PLEKHA6: variants seen among roughly 807,000 people sequenced by gnomAD.
The protein encoded by PLEKHA6 is pleckstrin homology domain containing A6.
A neutral mutation model predicts 116.7 loss-of-function variants in PLEKHA6; 60 were observed. The observed-to-expected ratio is 0.51, with a 90% CI of 0.42 to 0.64. The LOEUF (loss-of-function observed/expected upper bound fraction) is 0.64. PLEKHA6 is among the 30% of genes least tolerant of loss of function. PLEKHA6 has a pLI of 0.00. For missense variants in PLEKHA6, 1,338 were observed against 1,422.7 expected (o/e 0.94, Z 0.96); for synonymous variants, 489 against 556.1 (o/e 0.88, Z 1.70).
At chr1:204,325,941 A>G (rs1672226996) in intron 1 of PLEKHA6, 1 of 983,396 alleles carries the variant, frequency 1.0e-6, no homozygotes, top group African/African-American at 1.7e-5. Context: ...TAACATATAG[A>G]CTGGGCTGAA....
At chr1:204,348,802 A>T (rs183516835) in intron 1 of PLEKHA6, among the ~76,000 whole-genome samples, 1 of 143,380 alleles carries the variant, frequency 7.0e-6, no homozygotes, top group African/African-American at 2.6e-5. Flanking sequence ...TGTCATCTCC[A>T]TTGTCAGATG....
chr1:204,227,210 C>A (rs533160146), intron 21 of PLEKHA6, among the ~76,000 whole-genome samples: 34 of 152,322 alleles, frequency 2.2e-4, no homozygotes, highest in African/African-American at 8.2e-4. Flanking sequence ...GCTTCTCTGC[C>A]AGTGTCATCT....
intron 1 of PLEKHA6, among the ~76,000 whole-genome samples, chr1:204,314,496 C>A (rs4245727): frequency 6.6e-5 from 10 of 151,996 alleles, no homozygotes; most frequent in African/African-American, 2.2e-4. Context: ...AAGACTGATC[C>A]TAACTGGCCA....
At position 204,259,283 on chromosome 1, in the gene PLEKHA6, C is replaced by G; in HGVS notation, c.982G>C (p.Val328Leu). 4.3e-6 allele frequency: 7 copies of G among 1,612,040 alleles called. No individual in the cohort carries two copies. Among genetic ancestry groups the G allele is most frequent in the Non-Finnish European group, 5.9e-6 (7 of 1,178,966 alleles). ...LQQWVNLRRG[V>L]PPPEDLRSPS... The stretch of plus-strand genomic sequence containing the variant: ...CTCCGAAGGTCTTCAGGCGGGGGTA[C>G]CCCCCGGCGCAGATTCACCCACTGC... Residue 328 changes from valine to leucine, a missense_variant, in exon 8 of 23, where the codon GTA becomes CTA. This residue lies in a region of PLEKHA6 where 1,136 missense variants were observed against 1,163.6 expected (regional missense o/e 0.98). Coordinates refer to ENST00000272203, the MANE Select transcript of PLEKHA6 (RefSeq NM_014935.5). The surrounding 1 kb of genome is among the most constrained non-coding windows in gnomAD (Gnocchi z 4.6).
chr1:204,244,524 T>C (rs1489821767), intron 15 of PLEKHA6, among the ~76,000 whole-genome samples: 1 of 152,180 alleles, frequency 6.6e-6, no homozygotes, highest in East Asian at 1.9e-4. Flanking sequence ...ACTAGGAAAC[T>C]GCTCCCCACA....
chr1:204,288,597 A>G (rs1459978838), intron 1 of PLEKHA6, among the ~76,000 whole-genome samples: 1 of 152,184 alleles, frequency 6.6e-6, no homozygotes, highest in Non-Finnish European at 1.5e-5. Flanking sequence ...TAGTCACAGC[A>G]TCCCTAGCCC....
intron 1 of PLEKHA6, among the ~76,000 whole-genome samples, chr1:204,356,300 T>A (rs1282084992): frequency 6.6e-6 from 1 of 152,126 alleles, no homozygotes; most frequent in East Asian, 1.9e-4. Flanking sequence ...AGGCCAGGTG[T>A]GGTGGTTCAC....
rs375845813 is a variant in PLEKHA6, at chr1:204,333,182, G to A, written c.-95+26512C>T. Among the ~76,000 whole-genome samples, 4 of 152,338 alleles carry A rather than the reference G, an allele frequency of 2.6e-5. No homozygotes were observed. The South Asian group carries it at 8.3e-4, about 32-fold the overall frequency. ...TGAAAACTGGCTGAGTGAACAGAGT[G>A]AGGAAGAAGGGGAAGGAAGGGACAG... is the stretch of plus-strand genomic sequence containing the variant. On this transcript the variant is annotated intron_variant, in intron 1 of 22. Coordinates refer to ENST00000272203, the MANE Select transcript of PLEKHA6 (RefSeq NM_014935.5).
intron 3 of PLEKHA6, among the ~76,000 whole-genome samples, chr1:204,365,402 G>A (rs1673629552): frequency 6.6e-6 from 1 of 152,222 alleles, no homozygotes; most frequent in Non-Finnish European, 1.5e-5. Flanking sequence ...TCAGGCCATG[G>A]CTATGGAGAT....
intron 1 of PLEKHA6, among the ~76,000 whole-genome samples, chr1:204,288,622 G>A (rs951434325): frequency 2.6e-5 from 4 of 152,246 alleles, no homozygotes; most frequent in Admixed American, 6.5e-5. Flanking sequence ...ATGGGAAGCA[G>A]TGGGAAGGTG....
intron 9 of PLEKHA6, among the ~76,000 whole-genome samples, chr1:204,253,324 T>TAA (rs568121850): frequency 0.025 from 3,743 of 147,606 alleles, 107 homozygotes; most frequent in African/African-American, 0.078. Context: ...TTTCCAAGAT[T>TAA]AAAAAAAAAA....
At chr1:204,285,446 G>A (rs1039250455) in intron 1 of PLEKHA6, among the ~76,000 whole-genome samples, 1 of 150,894 alleles carries the variant, frequency 6.6e-6, no homozygotes, top group Non-Finnish European at 1.5e-5. Context: ...TGTTGTTTTT[G>A]TTGTTGTTGT....
rs949445882 is a variant in PLEKHA6 at position 204,303,304 on chromosome 1, G to A, written c.-94-28495C>T. 2.6e-5 allele frequency among the ~76,000 whole-genome samples: 4 copies of A among 152,226 alleles called. No homozygotes were observed. In the East Asian group the frequency reaches 5.8e-4, roughly 22 times the overall value. The stretch of plus-strand genomic sequence containing the variant: ...ACCCTCTCACCCTCTCCCCACAGTT[G>A]AACAACCTTCCTAATTTAGGAATCT... On this transcript the variant is annotated intron_variant, in intron 1 of 22. Transcript: ENST00000272203.
intron 1 of PLEKHA6, among the ~76,000 whole-genome samples, chr1:204,345,084 G>A (rs890093191): frequency 6.6e-6 from 1 of 152,194 alleles, no homozygotes; most frequent in Non-Finnish European, 1.5e-5. Context: ...GACATATGTG[G>A]ATGGAACATT....
Position 204,261,410 on chromosome 1 carries a change from G to A in PLEKHA6, c.420C>T (p.Ala140=), listed in dbSNP as rs766228394. Residue 140 remains alanine, a synonymous_variant, in exon 7 of 23, where the codon GCC becomes GCT. Coordinates refer to ENST00000272203, the MANE Select transcript of PLEKHA6 (RefSeq NM_014935.5). The surrounding 1 kb of genome is among the most constrained non-coding windows in gnomAD (Gnocchi z 4.0). The part of the protein sequence containing the change: ...HAGVRTYFFS[A]ESPEEQEAWI... ...AGGCCTCTTGCTCCTCGGGGCTCTC[G>A]GCACTGAAGAAGTAGGTGCGGACCC... The A allele has an allele frequency of 1.1e-5, 18 of 1,613,658 alleles. No homozygotes were observed. The highest frequency in any genetic ancestry group is 3.3e-5 in the South Asian group (3 of 91,044).
intron 1 of PLEKHA6, among the ~76,000 whole-genome samples, chr1:204,318,048 A>C (rs1436368979): frequency 6.6e-6 from 1 of 152,234 alleles, no homozygotes; most frequent in African/African-American, 2.4e-5. Context: ...ACGTGCGTGC[A>C]TGAATATCTT....
At chr1:204,256,626 G>T (rs1665329251) in intron 9 of PLEKHA6, among the ~76,000 whole-genome samples, 1 of 152,166 alleles carries the variant, frequency 6.6e-6, no homozygotes, top group African/African-American at 2.4e-5. Context: ...CACCAAACTT[G>T]ATACTGGGGC....
At position 204,265,028 on chromosome 1, in the gene PLEKHA6, T is replaced by C. The variant is rs1480725541; in HGVS notation, c.295A>G (p.Ser99Gly). ...LFYYKDEKEE[S>G]ILGSIPLLSF... is the part of the protein sequence containing the mutation. The stretch of plus-strand genomic sequence containing the variant: ...AGGAGGGGGATGCTGCCCAGGATAC[T>C]CTCTTCCTTCTCATCTGTCAGGGAG... Residue 99 changes from serine to glycine, a missense_variant, in exon 6 of 23, where the codon AGT becomes GGT. Coordinates refer to ENST00000272203, the MANE Select transcript of PLEKHA6 (RefSeq NM_014935.5). The C allele has an allele frequency of 1.9e-6, 3 of 1,613,226 alleles. No individual in the cohort carries two copies. Among genetic ancestry groups the C allele is most frequent in the Admixed American group, 1.7e-5 (1 of 60,004 alleles).
intron 1 of PLEKHA6, among the ~76,000 whole-genome samples, chr1:204,353,083 G>A (rs1274028672): frequency 6.6e-6 from 1 of 152,178 alleles, no homozygotes; most frequent in Non-Finnish European, 1.5e-5. Context: ...GCAAATGGTA[G>A]GGCCAGGCTC....
Sources: allele counts gnomAD v4.1 joint callset (sites outside exome capture counted in the v4.1 genomes callset), GRCh38; gene constraint gnomAD v4.1.1; regional missense constraint gnomAD v4.1.1; non-coding constraint Gnocchi (gnomAD v3.1); transcripts MANE v1.5; gene names NCBI Gene and HGNC (gene_info 2026-07-23, HGNC 2026-07-21).